Variants in ANO6 observed in about 807,000 individuals in gnomAD.
ANO6 encodes the protein anoctamin 6, also known as anoctamin-6.
ANO6 carries 106 observed loss-of-function variants against 117.5 expected under a neutral mutation model. That is an observed-to-expected ratio of 0.90 (90% CI 0.77 to 1.06). ANO6 has a LOEUF of 1.06. Ranked by LOEUF, ANO6 falls within the 50% of genes least tolerant of loss-of-function variation. The probability of loss-of-function intolerance (pLI) is 0.00; values close to 1 mark genes in which losing one functional copy is unlikely to be tolerated. For synonymous variants in ANO6, 367 were observed against 385.1 expected, an observed-to-expected ratio of 0.95 and a Z score of 0.55; for missense variants, 955 against 1,121.1, an observed-to-expected ratio of 0.85 and a Z score of 2.12.
At chr12:45,359,768 G>T (rs1028590405) in intron 8 of ANO6, among the ~76,000 whole-genome samples, 1 of 152,162 alleles carries the variant, frequency 6.6e-6, no homozygotes, top group Non-Finnish European at 1.5e-5. Flanking sequence ...AAGTTTTTGT[G>T]CAGACACATG....
rs1315639811 is a variant in ANO6, at chr12:45,346,956, A to T, written c.280-66A>T. ...TTGATTTTGTTATTAATATTGTTTT[A>T]AAAAATGCCTTTTTCTGCCTTTGGT... On this transcript the variant is annotated intron_variant, in intron 3 of 19. Transcript: ENST00000320560. 5.5e-6 allele frequency: 8 copies of T among 1,463,684 alleles called. No homozygotes were observed. In the South Asian group the frequency reaches 5.7e-5, roughly 10 times the overall value. The allele number at this position is 1,463,684 out of a possible 1,614,324, so 90.7% of individuals were successfully genotyped here. A position where few individuals can be genotyped will look rare whatever the true frequency, so the allele number is the denominator to read the frequency against.
At chr12:45,414,848 C>G (rs2137676827) in intron 16 of ANO6, among the ~76,000 whole-genome samples, 1 of 152,308 alleles carries the variant, frequency 6.6e-6, no homozygotes, top group African/African-American at 2.4e-5. Context: ...ACTGCAACCT[C>G]CGCCTCCTCA....
chr12:45,411,716 C>A (rs985391938), intron 16 of ANO6, among the ~76,000 whole-genome samples: 9 of 152,024 alleles, frequency 5.9e-5, no homozygotes, highest in African/African-American at 2.2e-4. Flanking sequence ...CCAGGCTCAA[C>A]TCTCTTTCCT....
At chr12:45,423,576 G>T (rs995126263) in intron 19 of ANO6, among the ~76,000 whole-genome samples, 6 of 152,176 alleles carry the variant, frequency 3.9e-5, no homozygotes, top group African/African-American at 9.7e-5. Flanking sequence ...GTATTAAGCT[G>T]CAAGAAACAG....
At chr12:45,314,999 G>A (rs1389868745) in intron 2 of ANO6, among the ~76,000 whole-genome samples, 1 of 152,072 alleles carries the variant, frequency 6.6e-6, no homozygotes, top group Non-Finnish European at 1.5e-5. Flanking sequence ...ATCTTGGGAA[G>A]TGGGAGGAGA....
intron 19 of ANO6, among the ~76,000 whole-genome samples, chr12:45,427,254 C>T (rs1285208962): frequency 6.6e-6 from 1 of 152,106 alleles, no homozygotes; most frequent in Non-Finnish European, 1.5e-5. Flanking sequence ...CTTGCCCTTC[C>T]TCTCTCACTC....
chr12:45,271,600 T>C (rs920935839), intron 1 of ANO6, among the ~76,000 whole-genome samples: 17 of 152,200 alleles, frequency 1.1e-4, no homozygotes, highest in Admixed American at 9.2e-4. Context: ...TGCAGTGTAC[T>C]TAGGATCATC....
chr12:45,389,594 G>A (rs371726269), intron 11 of ANO6, among the ~76,000 whole-genome samples: 5 of 152,060 alleles, frequency 3.3e-5, no homozygotes, highest in Non-Finnish European at 5.9e-5. Flanking sequence ...GTTATTCCTC[G>A]TTTCACTTTC....
At chr12:45,255,827 T>C (rs1321210851) in intron 1 of ANO6, among the ~76,000 whole-genome samples, 4 of 147,044 alleles carry the variant, frequency 2.7e-5, no homozygotes, top group Non-Finnish European at 6.0e-5. Context: ...TGTTTTTTTT[T>C]TTTTTTTTTT....
chr12:45,327,185 T>C (rs964555907), intron 2 of ANO6, among the ~76,000 whole-genome samples: 2 of 152,154 alleles, frequency 1.3e-5, no homozygotes, highest in African/African-American at 2.4e-5. Flanking sequence ...AAAAGAGTAT[T>C]TCATTTGGGC....
chr12:45,272,699 C>A (rs899219417), intron 1 of ANO6, among the ~76,000 whole-genome samples: 10 of 152,094 alleles, frequency 6.6e-5, no homozygotes, highest in African/African-American at 2.4e-4. Context: ...CCTTGTAAAC[C>A]ATTGGGAATA....
chr12:45,372,639 T>A (rs1203573873), intron 9 of ANO6, among the ~76,000 whole-genome samples: 11 of 150,778 alleles, frequency 7.3e-5, no homozygotes, highest in African/African-American at 2.4e-4. Flanking sequence ...AGAAATAAAA[T>A]CCTTTACAGA....
intron 1 of ANO6, among the ~76,000 whole-genome samples, chr12:45,219,461 G>T (rs1197605511): frequency 6.6e-6 from 1 of 151,110 alleles, no homozygotes; most frequent in African/African-American, 2.4e-5. Context: ...TTAGCCTCTT[G>T]AGTAGCTGGG....
At chr12:45,254,147 C>T (rs1009769213) in intron 1 of ANO6, among the ~76,000 whole-genome samples, 1 of 152,132 alleles carries the variant, frequency 6.6e-6, no homozygotes, top group Admixed American at 6.5e-5. Flanking sequence ...AACCTAGCAA[C>T]AGAGCAAGAC....
intron 8 of ANO6, among the ~76,000 whole-genome samples, chr12:45,365,419 A>G (rs1941659397): frequency 6.6e-6 from 1 of 152,308 alleles, no homozygotes; most frequent in Middle Eastern, 3.4e-3. Flanking sequence ...TTACGGTATC[A>G]CTGCCTCAAG....
chr12:45,378,146 T>TTTGA, intron 10 of ANO6, 33 bp downstream of exon 10: 1 of 1,567,724 alleles, frequency 6.4e-7, no homozygotes, highest in Non-Finnish European at 8.7e-7. Context: ...ATGCACTCAA[T>TTTGA]TTGATAGTAT....
chr12:45,270,198 AC>A (rs1262712494), intron 1 of ANO6, among the ~76,000 whole-genome samples: 2 of 152,172 alleles, frequency 1.3e-5, no homozygotes, highest in Non-Finnish European at 2.9e-5. Context: ...ACCACCTGAA[AC>A]GACCTTTCAG....
chr12:45,288,877 A>G (rs1051671493), intron 1 of ANO6, among the ~76,000 whole-genome samples: 59 of 151,790 alleles, frequency 3.9e-4, no homozygotes, highest in Admixed American at 3.3e-3. Context: ...CCTCCCGAGT[A>G]GCTGGGACTA....
rs963006689 is a variant in ANO6, at chr12:45,251,064, C to CA, written c.70+34683dup. Among the ~76,000 whole-genome samples the CA allele has an allele frequency of 7.9e-4, 103 of 130,740 alleles. 1 individual carries two copies. Among genetic ancestry groups the CA allele is most frequent in the East Asian group, 4.3e-3 (20 of 4,618 alleles). The allele number at this position is 130,740 out of a possible 152,430, so 85.8% of individuals were successfully genotyped here. On this transcript the variant is annotated intron_variant, in intron 1 of 19. Coordinates refer to ENST00000320560, the MANE Select transcript of ANO6 (RefSeq NM_001025356.3). ...TGGGCAACAGAGTGAGACCCTGTCT[C>CA]AAAAAAAAAAGGAAAAAAAACCCAC...
Sources: allele counts gnomAD v4.1 joint callset (sites outside exome capture counted in the v4.1 genomes callset), GRCh38; gene constraint gnomAD v4.1.1; transcripts MANE v1.5; gene names NCBI Gene and HGNC (gene_info 2026-07-23, HGNC 2026-07-21).